Variants in TRIM8 observed in about 807,000 individuals in gnomAD.
TRIM8 encodes tripartite motif containing 8.
TRIM8 carries 9 observed loss-of-function variants against 55.7 expected under a neutral mutation model. That is an observed-to-expected ratio of 0.16 (90% CI 0.10 to 0.28). The LOEUF (loss-of-function observed/expected upper bound fraction) is 0.28. TRIM8 is among the 10% of genes least tolerant of loss of function. The pLI is 1.00. For missense variants in TRIM8, 556 were observed against 736.4 expected (o/e 0.76, Z 2.83); for synonymous variants, 335 against 333.3 (o/e 1.01, Z -0.06).
At chr10:102,645,208 C>T (rs1590103128) in intron 1 of TRIM8, 21 bp downstream of exon 1, 3 of 1,517,332 alleles carry the variant, frequency 2.0e-6, no homozygotes, top group Non-Finnish European at 2.6e-6. Flanking sequence ...TACGCGCGCG[C>T]GCGCACACAC....
In TRIM8 at chr10:102,657,327, G is replaced by A. The variant is rs1261884850; in HGVS notation, c.1629G>A (p.Pro543=). ...HQDFYRVYGQ[P]STKHYVTS ...ATTTCTACAGGGTGTATGGGCAGCC[G>A]TCCACCAAACACTACGTGACGAGCT... is the stretch of plus-strand genomic sequence containing the variant. The change falls in exon 6 of 6, where the codon CCG becomes CCA. Residue 543 remains proline (P), a synonymous_variant. Transcript: ENST00000643721. The A allele has an allele frequency of 3.1e-6, 5 of 1,599,796 alleles. No homozygotes were observed. Among genetic ancestry groups the A allele is most frequent in the African/African-American group, 1.3e-5 (1 of 74,624 alleles).
At position 102,656,273 on chromosome 10, in the gene TRIM8, C is replaced by T; in HGVS notation, c.936C>T (p.Thr312=). The change falls in exon 5 of 6, where the codon ACC becomes ACT. Residue 312 remains threonine, a synonymous_variant. Transcript: ENST00000643721. The surrounding 1 kb of genome is among the most constrained non-coding windows in gnomAD (Gnocchi z 4.6). The stretch of plus-strand genomic sequence containing the variant: ...ATGCCCCGTCCACTGCCCCCAGGAC[C>T]CAGACCTGCACGAGCAGCAGCCTTT... The part of the protein sequence containing the change: ...TKSVKILMDR[T]QTCTSSSLSP... The T allele has an allele frequency of 6.2e-7, 1 of 1,614,172 alleles. No individual in the cohort carries two copies. Among genetic ancestry groups the T allele is most frequent in the Non-Finnish European group, 8.5e-7 (1 of 1,180,014 alleles).
At position 102,644,578 on chromosome 10, in the gene TRIM8, A is replaced by G. The variant is rs4146426; in HGVS notation, c.-40A>G. ...TCCGGACGGACCCCCGGGGCTGGGG[A>G]GTCGGGGAGGCCTGCCCCGGCCCCC... On this transcript the variant is annotated 5_prime_UTR_variant, in exon 1 of 6. Transcript: ENST00000643721. 3 of 1,583,768 alleles carry G rather than the reference A, an allele frequency of 1.9e-6. No individual in the cohort carries two copies. Among genetic ancestry groups the G allele is most frequent in the Non-Finnish European group, 2.6e-6 (3 of 1,163,618 alleles).
At chr10:102,647,424 G>T (rs2063945783) in intron 1 of TRIM8, among the ~76,000 whole-genome samples, 1 of 152,188 alleles carries the variant, frequency 6.6e-6, no homozygotes, top group South Asian at 2.1e-4. Flanking sequence ...ATTCTTTCTG[G>T]TGCCCCAGGC....
At position 102,656,734 on chromosome 10, in the gene TRIM8, C is replaced by T; in HGVS notation, c.1049-13C>T. The T allele has an allele frequency of 6.6e-7, 1 of 1,507,650 alleles. No homozygotes were observed. 93.4% of individuals were successfully genotyped at this position (1,507,650 alleles called of 1,614,324 possible). ...GTGGGAGCTTTGGCGACTTTTGCCCCAACTCTCCACAGGCCCCTTCAGCAC... is the reference window on the plus strand; with the variant it reads ...GTGGGAGCTTTGGCGACTTTTGCCCTAACTCTCCACAGGCCCCTTCAGCAC... On this transcript the variant is annotated splice_polypyrimidine_tract_variant and intron_variant, in intron 5 of 5. Coordinates refer to ENST00000643721, the MANE Select transcript of TRIM8 (RefSeq NM_030912.3). This position sits in a 1 kb window ranked among gnomAD's most constrained non-coding sequence, Gnocchi z 4.6.
At chr10:102,647,575 C>T (rs1214235079) in intron 1 of TRIM8, among the ~76,000 whole-genome samples, 2 of 152,070 alleles carry the variant, frequency 1.3e-5, no homozygotes. Flanking sequence ...ATGGAAGAAC[C>T]CTCTGCACTC....
intron 1 of TRIM8, chr10:102,654,104 G>A (rs1224759501): frequency 6.5e-6 from 1 of 154,062 alleles, no homozygotes. Flanking sequence ...TAGAACAGAG[G>A]TTGGTGTAGC....
chr10:102,650,795 G>A (rs1473294489), intron 1 of TRIM8, among the ~76,000 whole-genome samples: 1 of 152,162 alleles, frequency 6.6e-6, no homozygotes, highest in Non-Finnish European at 1.5e-5. Context: ...GCAGGTGGGG[G>A]TTGGGATGGA....
Position 102,657,232 on chromosome 10 carries a change from G to A in TRIM8, c.1534G>A (p.Val512Ile), listed in dbSNP as rs772676859. ...YSHPLPPTPS[V>I]PQSLPSLAVR... ...ACACCCGCTCCCGCCCACACCCTCC[G>A]TCCCCCAGTCCCTTCCCAGCCTGGC... Residue 512 changes from valine (V) to isoleucine (I), a missense_variant, in exon 6 of 6, where the codon GTC becomes ATC. Coordinates refer to ENST00000643721, the MANE Select transcript of TRIM8 (RefSeq NM_030912.3). The A allele has an allele frequency of 3.1e-6, 5 of 1,613,768 alleles. No homozygotes were observed. The highest frequency in any genetic ancestry group is 4.2e-6 in the Non-Finnish European group (5 of 1,179,894).
rs201148508 is a variant in TRIM8 at position 102,656,162 on chromosome 10, C to A, written c.932+25C>A. 11 of 1,613,968 alleles carry A rather than the reference C, an allele frequency of 6.8e-6. No homozygotes were observed. The highest frequency in any genetic ancestry group is 9.3e-6 in the Non-Finnish European group (11 of 1,180,012). ...GGTAAGCTGAGGGCCCTAGCCCTCCCGGGGGCACATCCTGGGGAGGGCAGG... is the reference window on the plus strand; with the variant it reads ...GGTAAGCTGAGGGCCCTAGCCCTCCAGGGGGCACATCCTGGGGAGGGCAGG... On this transcript the variant is annotated intron_variant, in intron 4 of 5. Coordinates refer to ENST00000643721, the MANE Select transcript of TRIM8 (RefSeq NM_030912.3). This position sits in a 1 kb window ranked among gnomAD's most constrained non-coding sequence, Gnocchi z 4.6.
chr10:102,657,013 C>T lies in TRIM8; in HGVS notation c.1315C>T (p.Pro439Ser). ...CGGCGCCCAACCAGTGCACTCAAGCCCCGTGTTCCCCCCATCGCAGTATCC... is the reference window on the plus strand; with the variant it reads ...CGGCGCCCAACCAGTGCACTCAAGCTCCGTGTTCCCCCCATCGCAGTATCC... ...PGGAQPVHSS[P>S]VFPPSQYPNG... The change falls in exon 6 of 6, where the codon CCC (proline) becomes TCC (serine). Residue 439 changes from proline to serine, a missense_variant. Pro to Ser is a moderately conservative substitution (Grantham distance 74). Transcript: ENST00000643721. 6.2e-7 allele frequency: 1 copy of T among 1,612,748 alleles called. No individual in the cohort carries two copies. The highest frequency in any genetic ancestry group is 2.2e-5 in the East Asian group (1 of 44,880).
chr10:102,655,334 G>A (rs779385090), intron 3 of TRIM8, 21 bp downstream of exon 3: 1 of 1,583,250 alleles, frequency 6.3e-7, no homozygotes, highest in East Asian at 2.2e-5. Flanking sequence ...CTCAGGACCA[G>A]GCTGGTGGCA....
At position 102,644,635 on chromosome 10, in the gene TRIM8, G is replaced by A. The variant is rs1215016540; in HGVS notation, c.18G>A (p.Lys6=). 2 of 1,612,784 alleles carry A rather than the reference G, an allele frequency of 1.2e-6. No individual in the cohort carries two copies. The highest frequency in any genetic ancestry group is 1.7e-6 in the Non-Finnish European group (2 of 1,179,816). The stretch of plus-strand genomic sequence containing the variant: ...CGGCCGCCATGGCGGAGAATTGGAA[G>A]AACTGCTTCGAGGAGGAGCTCATCT... MAENW[K]NCFEEELICP... The change falls in exon 1 of 6, where the codon AAG becomes AAA. Residue 6 remains lysine (K), a synonymous_variant. Coordinates refer to ENST00000643721, the MANE Select transcript of TRIM8 (RefSeq NM_030912.3).
At chr10:102,647,679 G>A (rs2063947062) in intron 1 of TRIM8, among the ~76,000 whole-genome samples, 1 of 152,178 alleles carries the variant, frequency 6.6e-6, no homozygotes, top group Non-Finnish European at 1.5e-5. Context: ...CTTTGCTGGT[G>A]TTGTGGGCGA....
chr10:102,655,230 G>A lies in TRIM8; in HGVS notation c.817G>A (p.Gly273Arg), dbSNP rs200885195. The A allele has an allele frequency of 3.7e-5, 60 of 1,604,518 alleles. No homozygotes were observed. The highest frequency in any genetic ancestry group is 1.8e-4 in the Admixed American group (10 of 55,812). ...GAACGCAGCGCAGGCGCTGCACCTC[G>A]GGGAGCGCATGCAGGAGGCCAAGAA... ...SENAAQALHLGERMQEAKKLL... is the reference protein window; with the variant it reads ...SENAAQALHLRERMQEAKKLL... Residue 273 changes from glycine (G) to arginine (R), a missense_variant, in exon 3 of 6, where the codon GGG becomes AGG. Gly to Arg is a moderately radical substitution (Grantham distance 125). This residue lies in a region of TRIM8 where 391 missense variants were observed against 441.0 expected (regional missense o/e 0.89). Transcript: ENST00000643721.
rs372960202 is a variant in TRIM8, at chr10:102,656,313, G to A, written c.976G>A (p.Gly326Ser). The stretch of plus-strand genomic sequence containing the variant: ...CAGCAGCCTTTCCCCCACTAAGATC[G>A]GCCACCTGAACTCCAAGCTCTTCCT... Reference protein sequence around the residue: ...TSSSLSPTKIGHLNSKLFLNE... With the variant: ...TSSSLSPTKISHLNSKLFLNE... The change falls in exon 5 of 6, where the codon GGC (glycine) becomes AGC (serine). Residue 326 changes from glycine (G) to serine (S), a missense_variant. Gly to Ser is a moderately conservative substitution (Grantham distance 56). This residue lies in a region of TRIM8 where 391 missense variants were observed against 441.0 expected (regional missense o/e 0.89). Coordinates refer to ENST00000643721, the MANE Select transcript of TRIM8 (RefSeq NM_030912.3). This position sits in a 1 kb window ranked among gnomAD's most constrained non-coding sequence, Gnocchi z 4.6. 1.2e-6 allele frequency: 2 copies of A among 1,614,130 alleles called. No individual in the cohort carries two copies. Among genetic ancestry groups the A allele is most frequent in the Non-Finnish European group, 1.7e-6 (2 of 1,180,008 alleles).
intron 1 of TRIM8, among the ~76,000 whole-genome samples, chr10:102,651,136 CAG>C (rs754762120): frequency 6.6e-6 from 1 of 152,340 alleles, no homozygotes. Flanking sequence ...ACCCCTGCAG[CAG>C]AGACAGGAGC....
chr10:102,655,426 A>C (rs934115449), intron 3 of TRIM8, 113 bp downstream of exon 3: 4 of 982,468 alleles, frequency 4.1e-6, no homozygotes, highest in Admixed American at 2.8e-5. Flanking sequence ...GCCAGCATGC[A>C]TGGGTTCAAA....
Position 102,657,706 on chromosome 10 carries a change from T to G in TRIM8, c.*352T>G. On this transcript the variant is annotated 3_prime_UTR_variant, in exon 6 of 6. Transcript: ENST00000643721. The stretch of plus-strand genomic sequence containing the variant: ...CCCCGTGGCTGGAAGGAACCTCGGC[T>G]TCCCTGAAAGCTTGGGGGTCCCACC... 2.6e-5 allele frequency: 5 copies of G among 193,408 alleles called. No homozygotes were observed. Among genetic ancestry groups the G allele is most frequent in the Non-Finnish European group, 3.2e-5 (3 of 94,598 alleles). 12.0% of individuals were successfully genotyped at this position (193,408 alleles called of 1,614,324 possible).
Sources: gnomAD v4.1 joint callset for allele counts (sites outside exome capture counted in the v4.1 genomes callset) on GRCh38, gnomAD v4.1.1 for gene constraint, gnomAD v4.1.1 regional missense constraint, Gnocchi (gnomAD v3.1) non-coding constraint, MANE v1.5 for transcripts, NCBI Gene and HGNC (gene_info 2026-07-23, HGNC 2026-07-21) for gene names.